Variants in CELF2 observed in about 807,000 individuals in gnomAD.
The protein encoded by CELF2 is CUGBP Elav-like family member 2.
A neutral mutation model predicts 62.6 loss-of-function variants in CELF2; 8 were observed. The ratio of observed to expected loss-of-function variants is 0.13; its 90% confidence interval spans 0.07 to 0.23. CELF2 has a LOEUF of 0.23. Among genes scored for constraint, CELF2 ranks in the 10% least tolerant of loss-of-function variants. The pLI, the probability that CELF2 is intolerant of heterozygous loss-of-function variation, is 1.00. For synonymous variants in CELF2, 258 were observed against 250.0 expected (o/e 1.03, Z -0.30); for missense variants, 333 against 671.0 (o/e 0.50, Z 5.56).
Position 11,232,004 on chromosome 10 carries a change from T to A in CELF2, c.354+14497T>A, listed in dbSNP as rs780078983. Among the ~76,000 whole-genome samples, 12 of 152,344 alleles carry A rather than the reference T, an allele frequency of 7.9e-5. No homozygotes were observed. In the East Asian group the frequency reaches 1.7e-3, roughly 22 times the overall value. ...AGTACCACCGCCCCATCTTTTTTTT[T>A]ATTATACTTTAAGTTTTAGGGTACA... is the stretch of plus-strand genomic sequence containing the variant. On this transcript the variant is annotated intron_variant, in intron 3 of 12. Transcript: ENST00000633077.
chr10:11,188,160 C>A (rs1031824343), intron 2 of CELF2, among the ~76,000 whole-genome samples: 4 of 152,174 alleles, frequency 2.6e-5, no homozygotes, highest in African/African-American at 9.7e-5. Flanking sequence ...GGTTGGAGTG[C>A]AGTGGTGCAA....
upstream of CELF2, among the ~76,000 whole-genome samples, chr10:11,004,761 C>T (rs964898190): frequency 1.3e-5 from 2 of 152,226 alleles, no homozygotes; most frequent in Admixed American, 1.3e-4. This position sits in a 1 kb window ranked among gnomAD's most constrained non-coding sequence, Gnocchi z 5.0. Context: ...CTATGCTATG[C>T]ATCTATGACT....
chr10:11,319,790 T>C lies in CELF2; in HGVS notation c.1097-1399T>C, dbSNP rs2095322020. 2.1e-6 allele frequency: 1 copy of C among 470,926 alleles called. No homozygotes were observed. Among genetic ancestry groups the C allele is most frequent in the South Asian group, 1.5e-5 (1 of 64,556 alleles). 29.2% of individuals were successfully genotyped at this position (470,926 alleles called of 1,614,324 possible). On this transcript the variant is annotated intron_variant, in intron 10 of 12. Transcript: ENST00000633077. The surrounding 1 kb of genome is among the most constrained non-coding windows in gnomAD (Gnocchi z 4.4). ...GTTAAGCTATAGCCTAATTCATATC[T>C]TACATGTGTCCTTTTAATTGAAGAG...
chr10:10,576,769 A>G, the CELF2 span, among the ~76,000 whole-genome samples: 2 of 152,088 alleles, frequency 1.3e-5, no homozygotes, highest in South Asian at 2.1e-4. Flanking sequence ...CTTCCCATTC[A>G]CTTGTACAGT....
At position 11,242,409 on chromosome 10, in the gene CELF2, C is replaced by T. The variant is rs545974972; in HGVS notation, c.355-6744C>T. Among the ~76,000 whole-genome samples, 8 of 152,150 alleles carry T rather than the reference C, an allele frequency of 5.3e-5. No homozygotes were observed. In the South Asian group the frequency reaches 1.7e-3, roughly 32 times the overall value. On this transcript the variant is annotated intron_variant, in intron 3 of 12. Transcript: ENST00000633077. This position sits in a 1 kb window ranked among gnomAD's most constrained non-coding sequence, Gnocchi z 4.8. The stretch of plus-strand genomic sequence containing the variant: ...TGTCTCCAGACTAGGCCTGTGTTGG[C>T]TCGGAACCCTCCCTTCCTACAGCAG...
At chr10:10,666,664 C>A in the CELF2 span, among the ~76,000 whole-genome samples, 24 of 78,282 alleles carry the variant, frequency 3.1e-4, 7 homozygotes, top group African/African-American at 1.4e-3. Flanking sequence ...AGATCGAGAC[C>A]ATTCTGGCTA....
At chr10:10,857,637 T>G (rs1322501546) in intron 1 of CELF2, among the ~76,000 whole-genome samples, 3 of 106,890 alleles carry the variant, frequency 2.8e-5, no homozygotes, top group African/African-American at 7.3e-5. Flanking sequence ...TGTGGTAAAC[T>G]ACATATATAT....
At chr10:10,732,097 CCAGTCCCCAGCCAGT>C in the CELF2 span, among the ~76,000 whole-genome samples, 1 of 152,154 alleles carries the variant, frequency 6.6e-6, no homozygotes, top group South Asian at 2.1e-4. Context: ...TGTAGCTTCC[CCAGTCCCCAGCCAGT>C]CAGCACCAAA....
At chr10:10,667,318 C>T in the CELF2 span, among the ~76,000 whole-genome samples, 35,379 of 152,160 alleles carry the variant, frequency 0.23, 4,298 homozygotes, top group South Asian at 0.44. Context: ...GCTGTTAAAA[C>T]GACCACGCGT....
the CELF2 span, among the ~76,000 whole-genome samples, chr10:10,687,440 A>T: frequency 1.3e-5 from 2 of 152,170 alleles, no homozygotes; most frequent in African/African-American, 4.8e-5. Flanking sequence ...TTTTAACCAA[A>T]AGTCATTGTA....
chr10:10,878,030 G>A (rs9424104), intron 1 of CELF2, among the ~76,000 whole-genome samples: 18,527 of 152,174 alleles, frequency 0.12, 1,491 homozygotes, highest in Non-Finnish European at 0.18. Context: ...ACAGACCAAC[G>A]GAGGGGACCA....
chr10:10,813,051 A>G (rs1564656215), intron 1 of CELF2, among the ~76,000 whole-genome samples: 1 of 152,204 alleles, frequency 6.6e-6, no homozygotes, highest in Non-Finnish European at 1.5e-5. Flanking sequence ...CCATGAATCC[A>G]TCTCCTATAC....
intron 1 of CELF2, among the ~76,000 whole-genome samples, chr10:10,877,888 A>G (rs2061209883): frequency 1.3e-5 from 2 of 152,172 alleles, no homozygotes; most frequent in African/African-American, 4.8e-5. Flanking sequence ...GACCTCCTGT[A>G]GTTGAGAGCA....
chr10:11,068,172 AAC>A (rs2068674945), intron 1 of CELF2, among the ~76,000 whole-genome samples: 1 of 152,244 alleles, frequency 6.6e-6, no homozygotes, highest in African/African-American at 2.4e-5. Flanking sequence ...ATGCTGAGGA[AAC>A]ACAGTCTCTA....
At chr10:10,896,898 T>G (rs1011835508) in intron 1 of CELF2, among the ~76,000 whole-genome samples, 5 of 152,202 alleles carry the variant, frequency 3.3e-5, no homozygotes, top group Non-Finnish European at 7.3e-5. Context: ...GTTGAACCAC[T>G]GTAAGACTGG....
rs28406059 is a variant in CELF2, at chr10:10,912,669, A to G, written c.54-7295A>G. ...AGGCGTGTGCCAGTGCGCCCAGCCA[A>G]CGGGGCTTTTTTTGTTGCTGTTGTT... On this transcript the variant is annotated intron_variant, in intron 1 of 13. Transcript: ENST00000636488. Among the ~76,000 whole-genome samples, 30 of 152,318 alleles carry G rather than the reference A, an allele frequency of 2.0e-4. No individual in the cohort carries two copies. The South Asian group carries it at 2.3e-3, about 12-fold the overall frequency.
chr10:10,708,997 T>C, the CELF2 span, among the ~76,000 whole-genome samples: 2 of 152,200 alleles, frequency 1.3e-5, no homozygotes, highest in African/African-American at 4.8e-5. Flanking sequence ...CTGTGGTCTT[T>C]AAGCTGCCTG....
At chr10:10,510,943 G>A in the CELF2 span, among the ~76,000 whole-genome samples, 1 of 152,148 alleles carries the variant, frequency 6.6e-6, no homozygotes, top group Non-Finnish European at 1.5e-5. Context: ...AAGGCCAGAG[G>A]CACTAAAGGG....
the CELF2 span, among the ~76,000 whole-genome samples, chr10:10,608,052 C>T: frequency 1.3e-5 from 2 of 152,128 alleles, no homozygotes; most frequent in Non-Finnish European, 2.9e-5. Flanking sequence ...CACTTGAACC[C>T]AGGAGGTGGA....
Sources: gnomAD v4.1 joint callset for allele counts (sites outside exome capture counted in the v4.1 genomes callset) on GRCh38, gnomAD v4.1.1 for gene constraint, Gnocchi (gnomAD v3.1) non-coding constraint, MANE v1.5 for transcripts, NCBI Gene and HGNC (gene_info 2026-07-23, HGNC 2026-07-21) for gene names.